The following ATM variants were observed in gnomAD, a reference collection of about 807,000 sequenced individuals.
The protein encoded by ATM is serine-protein kinase ATM.
Under a neutral mutation model 387.0 loss-of-function variants are expected in ATM, and 308 were observed. That is an observed-to-expected ratio of 0.80 (90% confidence interval 0.73 to 0.87). ATM has a LOEUF of 0.87. Among genes scored for constraint, ATM ranks in the 40% least tolerant of loss-of-function variants. The pLI is 0.00. For missense variants in ATM, 3,312 were observed against 3,560.9 expected (o/e 0.93, Z 1.78); for synonymous variants, 1,156 against 1,187.3 (o/e 0.97, Z 0.54).
intron 37 of ATM, 83 bp downstream of exon 37, chr11:108,304,935 A>G (rs2135947973): frequency 6.8e-7 from 1 of 1,466,488 alleles, no homozygotes; most frequent in East Asian, 2.4e-5. Context: ...CACTAAAAGC[A>G]CTTTACAGGA....
chr11:108,308,934 G>A, intron 38 of ATM: 2 of 1,251,298 alleles, frequency 1.6e-6, no homozygotes, highest in Non-Finnish European at 2.3e-6. Context: ...TCTTGGTGTT[G>A]GGAGGCAGTT....
intron 22 of ATM, among the ~76,000 whole-genome samples, chr11:108,275,467 T>C (rs2081889855): frequency 6.6e-6 from 1 of 152,254 alleles, no homozygotes; most frequent in Non-Finnish European, 1.5e-5. Context: ...CAATGGTCTT[T>C]ACAATTTGGT....
At chr11:108,326,352 G>A (rs2085688417) in intron 47 of ATM, 127 bp downstream of exon 47, 4 of 1,256,308 alleles carry the variant, frequency 3.2e-6, no homozygotes, top group African/African-American at 1.5e-5. Flanking sequence ...ACAAGATATT[G>A]TAAAACTAGT....
chr11:108,276,948 G>A (rs376137391), intron 22 of ATM, among the ~76,000 whole-genome samples: 23 of 152,294 alleles, frequency 1.5e-4, no homozygotes, highest in African/African-American at 5.5e-4. Context: ...GTTTAAGTCC[G>A]CTGAAGCTGT....
At chr11:108,256,439 A>G (rs932370742) in intron 14 of ATM, 99 bp downstream of exon 14, 3 of 1,261,144 alleles carry the variant, frequency 2.4e-6, no homozygotes, top group Admixed American at 1.9e-5. Flanking sequence ...AATTTTATGC[A>G]GGTTAACCCT....
In ATM at chr11:108,253,951, G is replaced by T. The variant is rs544123518; in HGVS notation, c.2036G>T (p.Gly679Val). 3.1e-6 allele frequency: 5 copies of T among 1,614,054 alleles called. No homozygotes were observed. The Admixed American group carries it at 8.3e-5, about 27-fold the overall frequency. The change falls in exon 13 of 63, where the codon GGC (glycine) becomes GTC (valine). Residue 679 changes from glycine (G) to valine (V), a missense_variant. Coordinates refer to ENST00000675843, the MANE Select transcript of ATM (RefSeq NM_000051.4). ...ATAGAAAAGCACCAGTCCAGTATTG[G>T]CTTCTCTGTCCACCAGAATCTCAAG... ...CGIEKHQSSI[G>V]FSVHQNLKES...
Position 108,334,081 on chromosome 11 carries a change from CAT to C in ATM, c.8010+116_8010+117del, listed in dbSNP as rs4988128. ...AAATTGGTTAAATATTGGCAAATTT[CAT>C]ATGTTTCAACCTATAATTTCTCAGT... On this transcript the variant is annotated intron_variant, in intron 54 of 62. Transcript: ENST00000675843. 8.5e-4 allele frequency: 677 copies of C among 799,872 alleles called. 3 individuals carry two copies. The African/African-American group carries it at 0.01, about 12-fold the overall frequency. 49.5% of individuals were successfully genotyped at this position (799,872 alleles called of 1,614,324 possible).
At chr11:108,313,694 CT>C (rs1197863530) in intron 40 of ATM, among the ~76,000 whole-genome samples, 9 of 152,118 alleles carry the variant, frequency 5.9e-5, no homozygotes, top group Non-Finnish European at 1.3e-4. Flanking sequence ...AGCATGGGTA[CT>C]GAACTTTTCT....
At chr11:108,245,079 A>C in intron 7 of ATM, 53 bp downstream of exon 7, 1 of 1,397,700 alleles carries the variant, frequency 7.2e-7, no homozygotes, top group African/African-American at 1.4e-5. Flanking sequence ...CAAACATAGA[A>C]GTCTAAGTAT....
At chr11:108,359,060 G>A (rs532976102) in intron 61 of ATM, among the ~76,000 whole-genome samples, 47 of 149,206 alleles carry the variant, frequency 3.2e-4, no homozygotes, top group Non-Finnish European at 6.0e-4. Flanking sequence ...CATCTCACGT[G>A]CAGAGACACA....
intron 61 of ATM, among the ~76,000 whole-genome samples, chr11:108,359,539 G>T (rs1035472818): frequency 1.3e-5 from 2 of 151,952 alleles, no homozygotes; most frequent in Non-Finnish European, 2.9e-5. Context: ...TGACCCCATA[G>T]TTGGAAGTAA....
intron 7 of ATM, among the ~76,000 whole-genome samples, chr11:108,246,513 AG>A (rs1163069469): frequency 6.6e-6 from 1 of 152,248 alleles, no homozygotes; most frequent in Non-Finnish European, 1.5e-5. Context: ...TTGTATAGTC[AG>A]CATTTTAAGT....
chr11:108,254,002 G>A lies in ATM; in HGVS notation c.2087G>A (p.Gly696Glu), dbSNP rs752550257. The A allele has an allele frequency of 1.2e-6, 2 of 1,613,906 alleles. No homozygotes were observed. The highest frequency in any genetic ancestry group is 1.7e-6 in the Non-Finnish European group (2 of 1,179,952). The change falls in exon 13 of 63, where the codon GGA (glycine) becomes GAA (glutamate). Residue 696 changes from glycine to glutamate, a missense_variant. This residue lies in a region of ATM where 1,791 missense variants were observed against 1,804.5 expected (regional missense o/e 0.99). Coordinates refer to ENST00000675843, the MANE Select transcript of ATM (RefSeq NM_000051.4). ...GAATCACTGGATCGCTGTCTTCTGG[G>A]ATTATCAGAACAGCTTCTGAATAAT... is the stretch of plus-strand genomic sequence containing the variant. Reference protein sequence around the residue: ...LKESLDRCLLGLSEQLLNNYS... With the variant: ...LKESLDRCLLELSEQLLNNYS...
intron 23 of ATM, 36 bp downstream of exon 23, chr11:108,279,644 T>A: frequency 6.9e-7 from 1 of 1,451,280 alleles, no homozygotes; most frequent in Non-Finnish European, 9.7e-7. Flanking sequence ...TGTTATCATA[T>A]GCTTGCTATG....
At chr11:108,335,701 G>A in intron 55 of ATM, 144 bp from the exon 56 acceptor site, 1 of 671,992 alleles carries the variant, frequency 1.5e-6, no homozygotes, top group East Asian at 2.7e-5. Context: ...AAGAATGGCA[G>A]TAGGTATTTA....
At chr11:108,248,785 G>A (rs961669628) in intron 8 of ATM, 148 bp from the exon 9 acceptor site, 12 of 641,282 alleles carry the variant, frequency 1.9e-5, no homozygotes, top group Non-Finnish European at 2.6e-5. Context: ...CTACTCGGGA[G>A]GCTGAGGCAG....
At chr11:108,354,419 G>A (rs1348233206) in intron 60 of ATM, among the ~76,000 whole-genome samples, 2 of 152,116 alleles carry the variant, frequency 1.3e-5, no homozygotes, top group Non-Finnish European at 2.9e-5. Context: ...GTATAACATT[G>A]TGCTACTAAA....
chr11:108,331,252 C>A, intron 50 of ATM, 192 bp from the exon 51 acceptor site: 1 of 1,304,078 alleles, frequency 7.7e-7, no homozygotes, highest in Non-Finnish European at 9.8e-7. Flanking sequence ...TTTACCAATG[C>A]ATTAATCTAG....
intron 56 of ATM, chr11:108,340,458 T>C (rs1397204764): frequency 6.6e-6 from 1 of 152,176 alleles, no homozygotes; most frequent in Non-Finnish European, 1.5e-5. Context: ...CACCAAGTAA[T>C]GGGAGTCATT....
Sources: gnomAD v4.1 joint callset for allele counts (sites outside exome capture counted in the v4.1 genomes callset) on GRCh38, gnomAD v4.1.1 for gene constraint, gnomAD v4.1.1 regional missense constraint, MANE v1.5 for transcripts, NCBI Gene and HGNC (gene_info 2026-07-23, HGNC 2026-07-21) for gene names.